RBPJ: variants seen among roughly 807,000 people sequenced by gnomAD.
RBPJ encodes the protein recombining binding protein suppressor of hairless.
In RBPJ, 9 loss-of-function variants were observed where a neutral mutation model predicts 67.8. The observed-to-expected ratio is 0.13, with a 90% CI of 0.08 to 0.23. The LOEUF (loss-of-function observed/expected upper bound fraction) is 0.23. Ranked by LOEUF, RBPJ falls within the 10% of genes least tolerant of loss-of-function variation. RBPJ has a pLI of 1.00. For missense variants in RBPJ, 305 were observed against 595.6 expected, an observed-to-expected ratio of 0.51 and a Z score of 5.08; for synonymous variants, 198 against 203.3, an observed-to-expected ratio of 0.97 and a Z score of 0.22.
chr4:26,150,629 T>G, the RBPJ span, among the ~76,000 whole-genome samples: 1 of 152,228 alleles, frequency 6.6e-6, no homozygotes, highest in Admixed American at 6.5e-5. Flanking sequence ...TGTAACAGTC[T>G]CATGAGTTAA....
rs186334119 is a variant in RBPJ at position 26,333,517 on chromosome 4, A to G, written c.20+12469A>G. Among the ~76,000 whole-genome samples, 92 of 152,298 alleles carry G rather than the reference A, an allele frequency of 6.0e-4. 1 individual carries two copies. Among genetic ancestry groups the G allele is most frequent in the African/African-American group, 2.1e-3 (87 of 41,566 alleles). On this transcript the variant is annotated intron_variant, in intron 1 of 10. Coordinates refer to ENST00000355476, the MANE Select transcript of RBPJ (RefSeq NM_015874.6). ...AAGTAGCGTAATGTATCTTTAGGTA[A>G]AAATTTTGTATTTCATTTTTAAAAA...
intron 2 of RBPJ, among the ~76,000 whole-genome samples, chr4:26,386,604 A>T (rs1025735076): frequency 1.3e-5 from 2 of 152,166 alleles, no homozygotes; most frequent in African/African-American, 4.8e-5. Context: ...GGAAAATGAA[A>T]CCTTTCTTAG....
intron 1 of RBPJ, among the ~76,000 whole-genome samples, chr4:26,334,053 T>G (rs1322496777): frequency 6.6e-6 from 1 of 152,032 alleles, no homozygotes; most frequent in Non-Finnish European, 1.5e-5. Flanking sequence ...TTTTCTTTTT[T>G]TTTTTTTGAT....
intron 1 of RBPJ, among the ~76,000 whole-genome samples, chr4:26,277,491 G>T (rs566764438): frequency 1.3e-5 from 2 of 152,334 alleles, no homozygotes; most frequent in South Asian, 2.1e-4. Flanking sequence ...GCGCCACAGG[G>T]CTGGGTTCTT....
At chr4:26,143,050 G>A in the RBPJ span, among the ~76,000 whole-genome samples, 2 of 152,168 alleles carry the variant, frequency 1.3e-5, no homozygotes, top group African/African-American at 4.8e-5. Context: ...CCAAAGTGCT[G>A]GGATTATAGG....
intron 1 of RBPJ, among the ~76,000 whole-genome samples, chr4:26,234,881 C>T (rs1324111225): frequency 1.3e-4 from 20 of 151,814 alleles, no homozygotes; most frequent in Admixed American, 1.3e-4. Flanking sequence ...TTAGTAGAGA[C>T]GGGGTTTCAC....
intron 1 of RBPJ, chr4:26,362,483 T>A: frequency 6.7e-7 from 1 of 1,496,882 alleles, no homozygotes; most frequent in Non-Finnish European, 8.9e-7. Context: ...AATGGAAGCA[T>A]TATAGTTCTT....
At position 26,215,408 on chromosome 4, in the gene RBPJ, G is replaced by GAAGA. The variant is rs1475980933; in HGVS notation, c.-167+51797_-167+51798insAAAG. Among the ~76,000 whole-genome samples the GAAGA allele has an allele frequency of 1.0e-3, 108 of 106,784 alleles. 3 individuals are homozygous for GAAGA. The highest frequency in any genetic ancestry group is 4.1e-3 in the African/African-American group (95 of 23,184). The allele number at this position is 106,784 out of a possible 152,430, so 70.1% of individuals were successfully genotyped here. ...GAGGGAGAGAGGAAGGAAGGGGGGG[G>GAAGA]AAGGAAGGAAGGGAGGGAGGGAAGG... On this transcript the variant is annotated intron_variant, in intron 1 of 4. Transcript: ENST00000512351.
At chr4:26,142,427 G>C in the RBPJ span, among the ~76,000 whole-genome samples, 5 of 152,260 alleles carry the variant, frequency 3.3e-5, no homozygotes, top group African/African-American at 1.2e-4. Flanking sequence ...CACATTTGTT[G>C]GGCCTTCACT....
the RBPJ span, among the ~76,000 whole-genome samples, chr4:26,155,039 TCA>T: frequency 6.6e-6 from 1 of 152,162 alleles, no homozygotes; most frequent in Non-Finnish European, 1.5e-5. Context: ...AGCCACAGGC[TCA>T]GTCTAGGAAA....
intron 1 of RBPJ, among the ~76,000 whole-genome samples, chr4:26,299,498 T>C (rs1297749015): frequency 6.6e-6 from 1 of 152,146 alleles, no homozygotes; most frequent in Admixed American, 6.6e-5. Context: ...TGAACTAATA[T>C]AGCATTTTAG....
chr4:26,382,537 T>C (rs1730431131), intron 1 of RBPJ, among the ~76,000 whole-genome samples: 1 of 152,136 alleles, frequency 6.6e-6, no homozygotes, highest in African/African-American at 2.4e-5. Context: ...TATTGTCTTT[T>C]TTTGTTTTAT....
chr4:26,286,812 G>T (rs1201456692), intron 1 of RBPJ, among the ~76,000 whole-genome samples: 10 of 145,170 alleles, frequency 6.9e-5, no homozygotes, highest in African/African-American at 2.6e-4. Flanking sequence ...TTTGGTCGGA[G>T]CCTCCCTCCG....
the RBPJ span, chr4:26,113,688 G>C: frequency 3.7e-6 from 1 of 271,968 alleles, no homozygotes; most frequent in East Asian, 8.1e-5. Flanking sequence ...AAATTCTTCT[G>C]TGTGAAGTCA....
chr4:26,398,749 G>T (rs1732434759), intron 2 of RBPJ, among the ~76,000 whole-genome samples: 1 of 152,120 alleles, frequency 6.6e-6, no homozygotes, highest in Non-Finnish European at 1.5e-5. Context: ...AAGTAGCTCA[G>T]ACTACAGGCG....
chr4:26,221,823 C>T (rs75105783), intron 1 of RBPJ, among the ~76,000 whole-genome samples: 6,449 of 152,232 alleles, frequency 0.042, 193 homozygotes, highest in Admixed American at 0.096. Context: ...ATGTTCCTCG[C>T]ATAAAGATAA....
At chr4:26,127,630 C>T in the RBPJ span, among the ~76,000 whole-genome samples, 88 of 152,260 alleles carry the variant, frequency 5.8e-4, 1 homozygote, top group East Asian at 1.9e-4. Flanking sequence ...TATATAAGTA[C>T]AGTTTGTATA....
chr4:26,420,759 C>T (rs763056213), intron 5 of RBPJ, 34 bp downstream of exon 5: 6 of 1,515,912 alleles, frequency 4.0e-6, no homozygotes, highest in Non-Finnish European at 5.3e-6. Flanking sequence ...CCCCAACTGC[C>T]ACCATGAATT....
intron 2 of RBPJ, among the ~76,000 whole-genome samples, chr4:26,388,664 A>G (rs1312431854): frequency 2.0e-5 from 3 of 152,156 alleles, no homozygotes; most frequent in African/African-American, 7.2e-5. Context: ...TTAATATTTA[A>G]GGTGGAAAAG....
Sources: allele counts gnomAD v4.1 joint callset (sites outside exome capture counted in the v4.1 genomes callset), GRCh38; gene constraint gnomAD v4.1.1; transcripts MANE v1.5; gene names NCBI Gene and HGNC (gene_info 2026-07-23, HGNC 2026-07-21).